Variants in ARIH1 observed in about 807,000 individuals in gnomAD.
ARIH1 encodes the protein E3 ubiquitin-protein ligase ARIH1.
In ARIH1, 8 loss-of-function variants were observed where a neutral mutation model predicts 85.0. The ratio of observed to expected loss-of-function variants is 0.09; its 90% confidence interval spans 0.06 to 0.17. The LOEUF is 0.17. Among genes scored for constraint, ARIH1 ranks in the 10% least tolerant of loss-of-function variants. The probability of loss-of-function intolerance (pLI) is 1.00; values close to 1 mark genes in which losing one functional copy is unlikely to be tolerated. For synonymous variants in ARIH1, 238 were observed against 253.6 expected (o/e 0.94, Z 0.59); for missense variants, 311 against 718.1 (o/e 0.43, Z 6.48).
At chr15:72,489,157 A>T (rs1330641694) in intron 1 of ARIH1, among the ~76,000 whole-genome samples, 2 of 143,480 alleles carry the variant, frequency 1.4e-5, no homozygotes, top group Admixed American at 1.5e-4. Flanking sequence ...GGAGAAGAGG[A>T]TTGCTGAGCT....
rs988085947 is a variant in ARIH1 at position 72,588,320 on chromosome 15, C to T, written c.*5028C>T. The T allele has an allele frequency of 1.3e-5, 2 of 152,142 alleles. No individual in the cohort carries two copies. The highest frequency in any genetic ancestry group is 2.9e-5 in the Non-Finnish European group (2 of 68,022). The allele number at this position is 152,142 out of a possible 1,614,324, so 9.4% of individuals were successfully genotyped here. Reference sequence around the variant, plus strand: ...TCTTGGCTTGCAACAATGCCACTGTCCATCTGGCATTACCTAGACCAGTGA... The same window carrying T: ...TCTTGGCTTGCAACAATGCCACTGTTCATCTGGCATTACCTAGACCAGTGA... On this transcript the variant is annotated 3_prime_UTR_variant, in exon 14 of 14. Coordinates refer to ENST00000379887, the MANE Select transcript of ARIH1 (RefSeq NM_005744.5).
chr15:72,500,249 C>A (rs1483053219), intron 1 of ARIH1, among the ~76,000 whole-genome samples: 1 of 152,090 alleles, frequency 6.6e-6, no homozygotes, highest in Non-Finnish European at 1.5e-5. Context: ...CGCACACCAC[C>A]ACGCCCAGCT....
chr15:72,559,756 A>G (rs1230641888), intron 5 of ARIH1, among the ~76,000 whole-genome samples: 2 of 152,102 alleles, frequency 1.3e-5, no homozygotes, highest in East Asian at 1.9e-4. Context: ...GGATTAGCCT[A>G]TTCTAGACAT....
intron 1 of ARIH1, among the ~76,000 whole-genome samples, chr15:72,492,754 T>A (rs1005999275): frequency 2.6e-5 from 4 of 152,196 alleles, no homozygotes; most frequent in Admixed American, 2.0e-4. Context: ...GGATATATGA[T>A]AATGTATGAA....
At chr15:72,553,037 A>G (rs890923866) in intron 3 of ARIH1, among the ~76,000 whole-genome samples, 59 of 152,278 alleles carry the variant, frequency 3.9e-4, no homozygotes, top group African/African-American at 1.3e-3. Context: ...TGCCTCCAGT[A>G]GTGCTGGGAT....
At chr15:72,492,117 A>AAT (rs1356529250) in intron 1 of ARIH1, among the ~76,000 whole-genome samples, 1 of 152,210 alleles carries the variant, frequency 6.6e-6, no homozygotes, top group Non-Finnish European at 1.5e-5. Flanking sequence ...TCCTCAAGAA[A>AAT]ATATCAAGCC....
At chr15:72,544,553 T>TACAC (rs3028479) in intron 2 of ARIH1, among the ~76,000 whole-genome samples, 50 of 149,454 alleles carry the variant, frequency 3.3e-4, no homozygotes, top group East Asian at 3.3e-3. Flanking sequence ...TTTACATACA[T>TACAC]ACACACACAC....
rs564572446 is a variant in ARIH1 at position 72,478,285 on chromosome 15, T to C, written c.375+3271T>C. 1.6e-4 allele frequency among the ~76,000 whole-genome samples: 24 copies of C among 151,898 alleles called. No individual in the cohort carries two copies. The South Asian group carries it at 4.8e-3, about 30-fold the overall frequency. On this transcript the variant is annotated intron_variant, in intron 1 of 13. Coordinates refer to ENST00000379887, the MANE Select transcript of ARIH1 (RefSeq NM_005744.5). ...TGTGCACCACCACACCCAGCTACTT[T>C]TTGTATTTTTTAGTAGAGAGGGGGT...
intron 2 of ARIH1, among the ~76,000 whole-genome samples, chr15:72,525,323 T>C (rs2064022581): frequency 6.6e-6 from 1 of 152,250 alleles, no homozygotes; most frequent in Non-Finnish European, 1.5e-5. Context: ...AGTTATGCAT[T>C]TTAATAAAAT....
intron 2 of ARIH1, among the ~76,000 whole-genome samples, chr15:72,541,528 A>G (rs2064107505): frequency 6.6e-6 from 1 of 151,844 alleles, no homozygotes; most frequent in Non-Finnish European, 1.5e-5. Flanking sequence ...AGAGGATTTG[A>G]AAAAAAAATT....
chr15:72,534,959 C>CTGTTTTTTTTTTTTTTTTTT (rs2064074608), intron 2 of ARIH1, among the ~76,000 whole-genome samples: 1 of 73,806 alleles, frequency 1.4e-5, no homozygotes, highest in African/African-American at 2.9e-5. Flanking sequence ...TGTCTGTATT[C>CTGTTTTTTTTTTTTTTTTTT]TTTTTTTTTT....
chr15:72,496,918 A>G, intron 1 of ARIH1: 2 of 909,814 alleles, frequency 2.2e-6, no homozygotes, highest in South Asian at 5.1e-5. Context: ...ACATACTTAC[A>G]CACAGACATT....
rs2064370781 is a variant in ARIH1 at position 72,598,459 on chromosome 15, A to T, written c.*15167A>T. The stretch of plus-strand genomic sequence containing the variant: ...TCAGGCACAGTGTCTCATGCCTGTA[A>T]TCCCAGCACTTTGGGAGGCCGAGGC... On this transcript the variant is annotated 3_prime_UTR_variant, in exon 14 of 14. Transcript: ENST00000379887. The T allele has an allele frequency of 6.6e-6, 1 of 151,948 alleles. No individual in the cohort carries two copies. The highest frequency in any genetic ancestry group is 1.5e-5 in the Non-Finnish European group (1 of 68,016). 9.4% of individuals were successfully genotyped at this position (151,948 alleles called of 1,614,324 possible).
rs767091168 is a variant in ARIH1 at position 72,598,333 on chromosome 15, T to C, written c.*15041T>C. 6.6e-6 allele frequency: 1 copy of C among 152,192 alleles called. No individual in the cohort carries two copies. The highest frequency in any genetic ancestry group is 1.5e-5 in the Non-Finnish European group (1 of 68,034). 9.4% of individuals were successfully genotyped at this position (152,192 alleles called of 1,614,324 possible). A position where few individuals can be genotyped will look rare whatever the true frequency, so the allele number is the denominator to read the frequency against. ...TTCTAGCTCATCTGGCCTTTTGTTG[T>C]TGTTTGCTAGAGTGGGAGGTATATT... is the stretch of plus-strand genomic sequence containing the variant. On this transcript the variant is annotated 3_prime_UTR_variant, in exon 14 of 14. Transcript: ENST00000379887.
In ARIH1 at chr15:72,487,080, A is replaced by T. The variant is rs377512540; in HGVS notation, c.375+12066A>T. Among the ~76,000 whole-genome samples the T allele has an allele frequency of 1.2e-3, 186 of 150,708 alleles. 1 individual carries two copies. Among genetic ancestry groups the T allele is most frequent in the South Asian group, 4.0e-3 (19 of 4,770 alleles). The stretch of plus-strand genomic sequence containing the variant: ...GGAATTTTCTCCTATTATTATTATT[A>T]TTTTTTTTTGTATGTAAATATTGTT... On this transcript the variant is annotated intron_variant, in intron 1 of 13. Transcript: ENST00000379887.
At chr15:72,519,475 G>GTGTTTTTTTTTTTTTT (rs2063989343) in intron 2 of ARIH1, among the ~76,000 whole-genome samples, 1 of 62,574 alleles carries the variant, frequency 1.6e-5, no homozygotes, top group African/African-American at 6.5e-5. Flanking sequence ...TGTTTTTTTT[G>GTGTTTTTTTTTTTTTT]TTTTTTTTTT....
At chr15:72,532,839 G>A (rs2140418292) in intron 2 of ARIH1, among the ~76,000 whole-genome samples, 1 of 152,342 alleles carries the variant, frequency 6.6e-6, no homozygotes, top group East Asian at 1.9e-4. Context: ...ACAAATTGAT[G>A]AGAAAAACAT....
At chr15:72,562,687 A>T (rs1162925602) in intron 6 of ARIH1, among the ~76,000 whole-genome samples, 1 of 151,488 alleles carries the variant, frequency 6.6e-6, no homozygotes, top group Admixed American at 6.6e-5. Context: ...ACTATTCTGT[A>T]GCTTCTAAAC....
intron 3 of ARIH1, among the ~76,000 whole-genome samples, 199 bp downstream of exon 3, chr15:72,545,163 T>A (rs556067386): frequency 1.1e-4 from 16 of 152,324 alleles, no homozygotes; most frequent in Middle Eastern, 3.4e-3. Flanking sequence ...CCATTTGTTT[T>A]TTAAAGCAGC....
Sources: gnomAD v4.1 joint callset for allele counts (sites outside exome capture counted in the v4.1 genomes callset) on GRCh38, gnomAD v4.1.1 for gene constraint, MANE v1.5 for transcripts, NCBI Gene and HGNC (gene_info 2026-07-23, HGNC 2026-07-21) for gene names.